Variants in NKAIN2 observed in about 807,000 individuals in gnomAD.
NKAIN2 encodes the protein sodium/potassium-transporting ATPase subunit beta-1-interacting protein 2.
A neutral mutation model predicts 32.6 loss-of-function variants in NKAIN2; 14 were observed. That is an observed-to-expected ratio of 0.43 (90% CI 0.28 to 0.67). The LOEUF is 0.67. NKAIN2 is among the 30% of genes least tolerant of loss of function. The pLI, the probability that NKAIN2 is intolerant of heterozygous loss-of-function variation, is 0.17. For synonymous variants in NKAIN2, 80 were observed against 87.2 expected (o/e 0.92, Z 0.46); for missense variants, 198 against 258.3 (o/e 0.77, Z 1.60).
In NKAIN2 at chr6:124,799,728, T is replaced by C. The variant is rs146110970; in HGVS notation, c.535+8329T>C. 5.6e-3 allele frequency among the ~76,000 whole-genome samples: 849 copies of C among 152,336 alleles called. 4 individuals are homozygous for C. Among genetic ancestry groups the C allele is most frequent in the Admixed American group, 7.1e-3 (109 of 15,304 alleles). ...TTGAAGTTATCCAGCAGATGAAGAA[T>C]ACTGATGTTGTTTTAATAGCCTTAA... On this transcript the variant is annotated intron_variant, in intron 5 of 6. Coordinates refer to ENST00000368417, the MANE Select transcript of NKAIN2 (RefSeq NM_001040214.3).
At chr6:123,849,970 GT>G (rs1273384852) in intron 1 of NKAIN2, among the ~76,000 whole-genome samples, 1 of 76,904 alleles carries the variant, frequency 1.3e-5, no homozygotes, top group African/African-American at 4.9e-5. Context: ...TTGTTTGTTT[GT>G]TTTTTTTTTA....
chr6:124,043,976 T>C (rs978081718), intron 1 of NKAIN2, among the ~76,000 whole-genome samples: 3 of 152,058 alleles, frequency 2.0e-5, no homozygotes, highest in African/African-American at 7.2e-5. Flanking sequence ...ATCTGTTCAT[T>C]ATCATGTAGA....
At chr6:124,158,527 T>C (rs962644716) in intron 1 of NKAIN2, among the ~76,000 whole-genome samples, 1 of 152,196 alleles carries the variant, frequency 6.6e-6, no homozygotes, top group African/African-American at 2.4e-5. Context: ...TGCTATTTTA[T>C]TGTATGTTAC....
chr6:124,806,710 C>A (rs1359838181), intron 5 of NKAIN2, among the ~76,000 whole-genome samples: 2 of 152,134 alleles, frequency 1.3e-5, no homozygotes, highest in Non-Finnish European at 2.9e-5. Context: ...GATAAAGAGT[C>A]AAGACCCATC....
intron 3 of NKAIN2, chr6:124,490,394 C>T (rs1318450773): frequency 2.3e-6 from 1 of 431,874 alleles, no homozygotes; most frequent in Non-Finnish European, 4.6e-6. Flanking sequence ...AGGAAACAGA[C>T]CGTATAGAAT....
intron 1 of NKAIN2, among the ~76,000 whole-genome samples, chr6:124,143,005 G>A (rs944884355): frequency 6.6e-6 from 1 of 152,122 alleles, no homozygotes; most frequent in Non-Finnish European, 1.5e-5. Flanking sequence ...TTAAGAAAAT[G>A]ACTCAACCTA....
chr6:123,818,935 G>A (rs1773809597), intron 1 of NKAIN2, among the ~76,000 whole-genome samples: 1 of 152,118 alleles, frequency 6.6e-6, no homozygotes, highest in African/African-American at 2.4e-5. Context: ...CTGCAAGGAT[G>A]TACTTGGGTC....
intron 4 of NKAIN2, among the ~76,000 whole-genome samples, chr6:124,762,086 A>C (rs1362405075): frequency 6.6e-6 from 1 of 152,158 alleles, no homozygotes; most frequent in Non-Finnish European, 1.5e-5. Flanking sequence ...AAGGGCTGCT[A>C]TAACAAAATA....
intron 4 of NKAIN2, among the ~76,000 whole-genome samples, chr6:124,681,514 G>A (rs983327456): frequency 3.3e-5 from 5 of 151,950 alleles, no homozygotes; most frequent in African/African-American, 1.2e-4. Context: ...GATTAATCTT[G>A]TTACTTAATT....
At chr6:124,612,320 T>C (rs1400114936) in intron 3 of NKAIN2, among the ~76,000 whole-genome samples, 3 of 152,130 alleles carry the variant, frequency 2.0e-5, no homozygotes, top group Non-Finnish European at 4.4e-5. Flanking sequence ...ACATAAAGCC[T>C]CCTTTTTTAT....
intron 1 of NKAIN2, among the ~76,000 whole-genome samples, chr6:123,919,607 A>G (rs1387681650): frequency 1.3e-5 from 2 of 152,120 alleles, no homozygotes; most frequent in African/African-American, 2.4e-5. Flanking sequence ...AAAGCCTCTG[A>G]AAACCCTTGA....
At chr6:124,557,246 A>G (rs926420517) in intron 3 of NKAIN2, among the ~76,000 whole-genome samples, 3 of 152,220 alleles carry the variant, frequency 2.0e-5, no homozygotes, top group Admixed American at 1.3e-4. Flanking sequence ...TTCTTGACTC[A>G]TCAAACAGTG....
At chr6:124,518,080 A>C (rs953995675) in intron 3 of NKAIN2, among the ~76,000 whole-genome samples, 1 of 152,068 alleles carries the variant, frequency 6.6e-6, no homozygotes, top group Non-Finnish European at 1.5e-5. Flanking sequence ...TATTTCTTTC[A>C]AAAATTTTTA....
chr6:124,559,833 CATT>C (rs1413662266), intron 3 of NKAIN2, among the ~76,000 whole-genome samples: 59 of 51,704 alleles, frequency 1.1e-3, no homozygotes, highest in African/African-American at 2.6e-3. Flanking sequence ...AGAAATAAAC[CATT>C]TTTTTTTTTT....
chr6:124,674,428 G>T (rs1773260635), intron 4 of NKAIN2, among the ~76,000 whole-genome samples: 2 of 151,814 alleles, frequency 1.3e-5, no homozygotes, highest in African/African-American at 4.8e-5. Context: ...AGATTTCATT[G>T]AATCTGTAGA....
chr6:124,732,111 A>G (rs1035394973), intron 4 of NKAIN2, among the ~76,000 whole-genome samples: 1 of 152,044 alleles, frequency 6.6e-6, no homozygotes, highest in Non-Finnish European at 1.5e-5. Flanking sequence ...TGAAAATTCC[A>G]TAGAACTTTA....
intron 3 of NKAIN2, among the ~76,000 whole-genome samples, chr6:124,464,764 T>A (rs1776674495): frequency 6.6e-6 from 1 of 152,186 alleles, no homozygotes; most frequent in Non-Finnish European, 1.5e-5. Context: ...TTTTGTTTAC[T>A]GTAGCCTTGT....
intron 1 of NKAIN2, among the ~76,000 whole-genome samples, chr6:124,025,884 C>T (rs1781086356): frequency 6.6e-6 from 1 of 152,158 alleles, no homozygotes; most frequent in African/African-American, 2.4e-5. Context: ...CTCTGACCTT[C>T]TCCTGCCTTT....
chr6:124,687,086 A>T (rs959924217), intron 4 of NKAIN2, among the ~76,000 whole-genome samples: 1 of 151,604 alleles, frequency 6.6e-6, no homozygotes, highest in African/African-American at 2.4e-5. Flanking sequence ...CAGACAGCCT[A>T]TTGTGGGACC....
Sources: allele counts gnomAD v4.1 joint callset (sites outside exome capture counted in the v4.1 genomes callset), GRCh38; gene constraint gnomAD v4.1.1; transcripts MANE v1.5; gene names NCBI Gene and HGNC (gene_info 2026-07-23, HGNC 2026-07-21).